NKAIN2: variants seen among roughly 807,000 people sequenced by gnomAD.
The protein encoded by NKAIN2 is sodium/potassium transporting ATPase interacting 2, also known as sodium/potassium-transporting ATPase subunit beta-1-interacting protein 2.
NKAIN2 carries 14 observed loss-of-function variants against 32.6 expected under a neutral mutation model. That is an observed-to-expected ratio of 0.43 (90% CI 0.28 to 0.67). The LOEUF (loss-of-function observed/expected upper bound fraction) is 0.67, where lower values mean the gene tolerates loss of function less well. Ranked by LOEUF, NKAIN2 falls within the 30% of genes least tolerant of loss-of-function variation. The probability of loss-of-function intolerance (pLI) is 0.17; values close to 1 mark genes in which losing one functional copy is unlikely to be tolerated. For synonymous variants in NKAIN2, 80 were observed against 87.2 expected, an observed-to-expected ratio of 0.92 and a Z score of 0.46; for missense variants, 198 against 258.3, an observed-to-expected ratio of 0.77 and a Z score of 1.60.
At chr6:124,079,647 G>A (rs1202935312) in intron 1 of NKAIN2, among the ~76,000 whole-genome samples, 2 of 152,064 alleles carry the variant, frequency 1.3e-5, no homozygotes, top group Non-Finnish European at 2.9e-5. Context: ...ATGCTTTACC[G>A]ACTTTTAGCT....
chr6:124,205,198 G>A (rs1220271994), intron 1 of NKAIN2, among the ~76,000 whole-genome samples: 2 of 151,800 alleles, frequency 1.3e-5, no homozygotes, highest in Non-Finnish European at 2.9e-5. Flanking sequence ...AGATGGCTAT[G>A]AAGGTTAATG....
chr6:124,548,381 C>T (rs1000043484), intron 3 of NKAIN2, among the ~76,000 whole-genome samples: 1 of 152,120 alleles, frequency 6.6e-6, no homozygotes, highest in Non-Finnish European at 1.5e-5. Context: ...TTGGAATGGG[C>T]AGATAACATA....
intron 1 of NKAIN2, among the ~76,000 whole-genome samples, chr6:124,042,193 C>G (rs935770676): frequency 5.9e-5 from 9 of 152,024 alleles, no homozygotes; most frequent in African/African-American, 1.7e-4. Flanking sequence ...CTCCACCTGC[C>G]CCTCAAACTA....
chr6:124,118,496 A>G (rs1412972983), intron 1 of NKAIN2, among the ~76,000 whole-genome samples: 1 of 152,162 alleles, frequency 6.6e-6, no homozygotes, highest in African/African-American at 2.4e-5. Context: ...GGAGAAAACA[A>G]AAACAATTTT....
chr6:124,358,242 G>T (rs1468540676), intron 3 of NKAIN2, among the ~76,000 whole-genome samples: 1 of 152,136 alleles, frequency 6.6e-6, no homozygotes, highest in Non-Finnish European at 1.5e-5. Context: ...ACATACGTGT[G>T]CATGTGTCTT....
At chr6:124,199,821 T>C in intron 1 of NKAIN2, among the ~76,000 whole-genome samples, 1 of 152,142 alleles carries the variant, frequency 6.6e-6, no homozygotes, top group Admixed American at 6.5e-5. Context: ...CAAACCCTTA[T>C]GTAAGCACAG....
At chr6:124,104,999 G>A (rs980408156) in intron 1 of NKAIN2, among the ~76,000 whole-genome samples, 3 of 152,144 alleles carry the variant, frequency 2.0e-5, no homozygotes, top group African/African-American at 7.2e-5. Context: ...CTTTGAATAG[G>A]TACAACATAT....
chr6:124,706,339 T>C (rs187238851), intron 4 of NKAIN2, among the ~76,000 whole-genome samples: 1 of 152,148 alleles, frequency 6.6e-6, no homozygotes, highest in South Asian at 2.1e-4. Context: ...AGATTACTCC[T>C]AATAAATGAG....
At chr6:123,941,178 G>A (rs1054655064) in intron 1 of NKAIN2, among the ~76,000 whole-genome samples, 1 of 151,712 alleles carries the variant, frequency 6.6e-6, no homozygotes, top group Non-Finnish European at 1.5e-5. Context: ...AGGTCTTCAG[G>A]GGCAATAACA....
chr6:124,542,102 T>C (rs576937553), intron 3 of NKAIN2, among the ~76,000 whole-genome samples: 3 of 152,214 alleles, frequency 2.0e-5, no homozygotes, highest in Non-Finnish European at 1.5e-5. Flanking sequence ...GGGAAATAGA[T>C]AAATGCTATA....
At chr6:124,010,360 C>T (rs576190516) in intron 1 of NKAIN2, among the ~76,000 whole-genome samples, 1 of 152,126 alleles carries the variant, frequency 6.6e-6, no homozygotes, top group South Asian at 2.1e-4. Flanking sequence ...GTGATCATCA[C>T]TTCACTAGTT....
intron 3 of NKAIN2, among the ~76,000 whole-genome samples, chr6:124,377,863 G>C (rs1159159916): frequency 1.3e-5 from 2 of 152,158 alleles, no homozygotes; most frequent in East Asian, 3.9e-4. Flanking sequence ...AGTAATAACA[G>C]GGGTCCAGAA....
chr6:124,708,491 A>G (rs951458046), intron 4 of NKAIN2, among the ~76,000 whole-genome samples: 31 of 152,294 alleles, frequency 2.0e-4, no homozygotes, highest in African/African-American at 7.5e-4. Flanking sequence ...ATTTTCTTCC[A>G]TTTGTTTGTA....
chr6:123,885,264 G>A (rs1773659860), intron 1 of NKAIN2, among the ~76,000 whole-genome samples: 2 of 152,042 alleles, frequency 1.3e-5, no homozygotes, highest in Non-Finnish European at 2.9e-5. Flanking sequence ...AGGACAGTTG[G>A]CCCCTGATAG....
At chr6:124,770,330 G>C (rs2114757490) in intron 4 of NKAIN2, among the ~76,000 whole-genome samples, 1 of 152,198 alleles carries the variant, frequency 6.6e-6, no homozygotes, top group Admixed American at 6.5e-5. Flanking sequence ...TTTCCTGTCT[G>C]TTAGTCTCCA....
chr6:124,167,624 T>C (rs1041169201), intron 1 of NKAIN2, among the ~76,000 whole-genome samples: 1 of 152,192 alleles, frequency 6.6e-6, no homozygotes, highest in African/African-American at 2.4e-5. Context: ...CTTCCAGTTT[T>C]TGCCCATTCA....
chr6:124,455,569 C>G (rs1430044168), intron 3 of NKAIN2, among the ~76,000 whole-genome samples: 1 of 151,872 alleles, frequency 6.6e-6, no homozygotes, highest in Non-Finnish European at 1.5e-5. Flanking sequence ...AGAAAATCCC[C>G]CAGAGTTCCT....
At chr6:124,618,184 A>G (rs1023652037) in intron 3 of NKAIN2, among the ~76,000 whole-genome samples, 4 of 152,214 alleles carry the variant, frequency 2.6e-5, no homozygotes, top group Non-Finnish European at 4.4e-5. Context: ...ACTTGAATAA[A>G]GAACAAATTC....
At chr6:123,813,867 T>C (rs1386222554) in intron 1 of NKAIN2, among the ~76,000 whole-genome samples, 2 of 151,946 alleles carry the variant, frequency 1.3e-5, no homozygotes, top group Non-Finnish European at 2.9e-5. Context: ...TTTTTTTTTT[T>C]TCGTCTTTTT....
Sources: allele counts gnomAD v4.1 joint callset (sites outside exome capture counted in the v4.1 genomes callset), GRCh38; gene constraint gnomAD v4.1.1; transcripts MANE v1.5; gene names NCBI Gene and HGNC (gene_info 2026-07-23, HGNC 2026-07-21).